The following DACH2 variants were observed in gnomAD, a reference collection of about 807,000 sequenced individuals.
The protein encoded by DACH2 is dachshund family transcription factor 2.
A neutral mutation model predicts 35.8 loss-of-function variants in DACH2; 17 were observed. The ratio of observed to expected loss-of-function variants is 0.48; its 90% CI spans 0.33 to 0.71. The LOEUF (loss-of-function observed/expected upper bound fraction) is 0.71, where lower values mean the gene tolerates loss of function less well. Among genes scored for constraint, DACH2 ranks in the 30% least tolerant of loss-of-function variants. The pLI, the probability that DACH2 is intolerant of heterozygous loss-of-function variation, is 0.02. For synonymous variants in DACH2, 195 were observed against 177.3 expected (o/e 1.10, Z -0.79); for missense variants, 469 against 472.7 (o/e 0.99, Z 0.07).
chrX:86,813,200 T>A lies in DACH2; in HGVS notation c.1460T>A (p.Leu487Gln), dbSNP rs772882356. The stretch of plus-strand genomic sequence containing the variant: ...CAGATTCAACAAGAAAAGAAGGAGC[T>A]GCGACTGGAGCTCTATAGAGAGAGA... ...EKQIQQEKKE[L>Q]RLELYREREI... The change falls in exon 9 of 12, where the codon CTG (leucine) becomes CAG (glutamine). Residue 487 changes from leucine to glutamine, a missense_variant. Leu to Gln is a moderately radical substitution (Grantham distance 113). This residue lies in a region of DACH2 where 363 missense variants were observed against 334.4 expected (regional missense o/e 1.09). Transcript: ENST00000373125. 1.3e-5 allele frequency: 16 copies of A among 1,204,834 alleles called. No individual in the cohort carries two copies. The East Asian group carries it at 4.8e-4, about 36-fold the overall frequency.
intron 2 of DACH2, among the ~76,000 whole-genome samples, chrX:86,420,850 T>G (rs2036790366): frequency 9.0e-6 from 1 of 111,722 alleles, no homozygotes; most frequent in African/African-American, 3.2e-5. Context: ...TTTTGGTCAT[T>G]TTTTACTTTA....
At chrX:86,814,383 G>A (rs1163722873) in intron 9 of DACH2, among the ~76,000 whole-genome samples, 1 of 111,843 alleles carries the variant, frequency 8.9e-6, no homozygotes, top group African/African-American at 3.3e-5. Flanking sequence ...CATATAGAGA[G>A]TCAAAGTAGA....
intron 3 of DACH2, among the ~76,000 whole-genome samples, chrX:86,521,312 T>C (rs2038550686): frequency 9.0e-6 from 1 of 111,674 alleles, no homozygotes; most frequent in African/African-American, 3.2e-5. Context: ...ACCTGCCCTT[T>C]CTTTCTAGCT....
intron 1 of DACH2, among the ~76,000 whole-genome samples, chrX:86,188,111 T>A (rs1200717049): frequency 8.9e-6 from 1 of 112,046 alleles, no homozygotes; most frequent in African/African-American, 3.2e-5. Flanking sequence ...CTGACATATC[T>A]GTACAATTGA....
chrX:86,461,226 A>C (rs2037566305), intron 2 of DACH2, among the ~76,000 whole-genome samples: 1 of 111,749 alleles, frequency 8.9e-6, no homozygotes, highest in African/African-American at 3.2e-5. Flanking sequence ...CACCCAATTC[A>C]GAATACAAGA....
At chrX:86,775,049 G>A (rs1045495329) in intron 7 of DACH2, among the ~76,000 whole-genome samples, 2 of 111,418 alleles carry the variant, frequency 1.8e-5, no homozygotes, top group Non-Finnish European at 3.8e-5. Context: ...ACTTTATAGT[G>A]TATTTAGGAA....
intron 3 of DACH2, among the ~76,000 whole-genome samples, chrX:86,644,975 C>T (rs1246598518): frequency 2.7e-5 from 3 of 110,351 alleles, no homozygotes; most frequent in Non-Finnish European, 3.8e-5. Flanking sequence ...GGAAGACAAC[C>T]TAGGCAATAC....
At chrX:86,467,846 G>A (rs2037698356) in intron 2 of DACH2, among the ~76,000 whole-genome samples, 1 of 111,604 alleles carries the variant, frequency 9.0e-6, no homozygotes, top group African/African-American at 3.3e-5. Flanking sequence ...GAGCAAAGCG[G>A]GGAAAGCTTC....
At chrX:86,445,604 A>G (rs1488967038) in intron 2 of DACH2, among the ~76,000 whole-genome samples, 1 of 104,376 alleles carries the variant, frequency 9.6e-6, no homozygotes, top group African/African-American at 3.5e-5. Context: ...ATGTCATCAA[A>G]TTTCTTAATT....
chrX:86,512,300 ATT>A (rs34776310), intron 2 of DACH2, among the ~76,000 whole-genome samples: 2 of 102,600 alleles, frequency 1.9e-5, no homozygotes, highest in Admixed American at 1.1e-4. Flanking sequence ...CTGTGAAACC[ATT>A]TTTTTTTTTT....
chrX:86,194,016 A>C (rs1288826242), intron 1 of DACH2, among the ~76,000 whole-genome samples: 1 of 110,624 alleles, frequency 9.0e-6, no homozygotes, highest in East Asian at 2.8e-4. Context: ...TGTTGATATG[A>C]TCTTCCTTTC....
chrX:86,589,954 G>GAGTA (rs1223604927), intron 3 of DACH2, among the ~76,000 whole-genome samples: 1 of 111,815 alleles, frequency 8.9e-6, no homozygotes, highest in Non-Finnish European at 1.9e-5. Context: ...TGGGAAATTG[G>GAGTA]TTAAGTGTTG....
At chrX:86,586,029 A>T (rs1331286815) in intron 3 of DACH2, among the ~76,000 whole-genome samples, 1 of 111,649 alleles carries the variant, frequency 9.0e-6, no homozygotes. Flanking sequence ...GATTCCCCCA[A>T]CAATGTATAA....
intron 1 of DACH2, among the ~76,000 whole-genome samples, chrX:86,334,154 A>G (rs2035261074): frequency 8.9e-6 from 1 of 112,144 alleles, no homozygotes; most frequent in Non-Finnish European, 1.9e-5. Flanking sequence ...CCAGTCTATC[A>G]TTGATGGGCA....
At chrX:86,164,917 G>A (rs1440547366) in intron 1 of DACH2, among the ~76,000 whole-genome samples, 1 of 106,804 alleles carries the variant, frequency 9.4e-6, no homozygotes, top group Non-Finnish European at 1.9e-5. Context: ...GGCTATTTGG[G>A]CTCCTTTTTG....
chrX:86,318,346 A>G (rs2034952854), intron 1 of DACH2, among the ~76,000 whole-genome samples: 1 of 111,199 alleles, frequency 9.0e-6, no homozygotes, highest in Non-Finnish European at 1.9e-5. Context: ...AGTCCTGTAC[A>G]TTTTTCTGTT....
At chrX:86,709,325 C>A (rs2041253273) in intron 5 of DACH2, among the ~76,000 whole-genome samples, 2 of 111,585 alleles carry the variant, frequency 1.8e-5, no homozygotes, top group Admixed American at 1.9e-4. Context: ...CATTTTTCTA[C>A]AAATTACAGT....
At chrX:86,365,670 A>G (rs1200671007) in intron 1 of DACH2, among the ~76,000 whole-genome samples, 3 of 111,477 alleles carry the variant, frequency 2.7e-5, no homozygotes, top group African/African-American at 9.8e-5. Context: ...ATGAGCTTTT[A>G]TCTGGATAGT....
Position 86,307,457 on chromosome X carries a change from G to A in DACH2, c.489-69367G>A. 3.6e-5 allele frequency among the ~76,000 whole-genome samples: 4 copies of A among 111,687 alleles called. No individual in the cohort carries two copies. The Middle Eastern group carries it at 0.018, about 512-fold the overall frequency. On this transcript the variant is annotated intron_variant, in intron 1 of 11. Coordinates refer to ENST00000373125, the MANE Select transcript of DACH2 (RefSeq NM_053281.3). ...GTGAGAAGACCCTGATGAAGCTGGG[G>A]ACACTGTGTTTGTAAATTCTGATGA... is the stretch of plus-strand genomic sequence containing the variant.
Sources: allele counts gnomAD v4.1 joint callset (sites outside exome capture counted in the v4.1 genomes callset), GRCh38; gene constraint gnomAD v4.1.1; regional missense constraint gnomAD v4.1.1; transcripts MANE v1.5; gene names NCBI Gene and HGNC (gene_info 2026-07-23, HGNC 2026-07-21).